The following IDH2 variants were observed in gnomAD, a reference collection of about 807,000 sequenced individuals.
The protein encoded by IDH2 is isocitrate dehydrogenase (NADP(+)) 2.
A neutral mutation model predicts 50.5 loss-of-function variants in IDH2; 18 were observed. The observed-to-expected ratio is 0.36, with a 90% CI of 0.25 to 0.53. The LOEUF (loss-of-function observed/expected upper bound fraction) is 0.53. Ranked by LOEUF, IDH2 falls within the 20% of genes least tolerant of loss-of-function variation. The pLI, the probability that IDH2 is intolerant of heterozygous loss-of-function variation, is 0.92. For missense variants in IDH2, 518 were observed against 610.7 expected (o/e 0.85, Z 1.60); for synonymous variants, 280 against 239.8 (o/e 1.17, Z -1.55).
chr15:90,100,777 G>C lies in IDH2; in HGVS notation c.115+1499C>G, dbSNP rs1901309210. The C allele has an allele frequency of 2.9e-6, 1 of 343,626 alleles. No homozygotes were observed. The highest frequency in any genetic ancestry group is 2.2e-5 in the African/African-American group (1 of 44,984). The allele number at this position is 343,626 out of a possible 1,614,324, so 21.3% of individuals were successfully genotyped here. A position where few individuals can be genotyped will look rare whatever the true frequency, so the allele number is the denominator to read the frequency against. ...TGGCAGAGTCGCAACTGTAGAGTCTGATGTCCAACTCCAACACCAAGCAAT... is the reference window on the plus strand; with the variant it reads ...TGGCAGAGTCGCAACTGTAGAGTCTCATGTCCAACTCCAACACCAAGCAAT... On this transcript the variant is annotated intron_variant, in intron 1 of 10. Coordinates refer to ENST00000330062, the MANE Select transcript of IDH2 (RefSeq NM_002168.4). The surrounding 1 kb of genome is among the most constrained non-coding windows in gnomAD (Gnocchi z 4.1).
rs986843506 is a variant in IDH2, at chr15:90,083,777, G to A, written c.*489C>T. The A allele has an allele frequency of 2.3e-5, 5 of 220,018 alleles. No individual in the cohort carries two copies. The highest frequency in any genetic ancestry group is 3.7e-5 in the Non-Finnish European group (4 of 107,664). The allele number at this position is 220,018 out of a possible 1,614,324, so 13.6% of individuals were successfully genotyped here. ...GCTAGAAAATTCCAGGGAACCCACAGGCCTGTGCCCTGAGTGTCCGAGAAC... is the reference window on the plus strand; with the variant it reads ...GCTAGAAAATTCCAGGGAACCCACAAGCCTGTGCCCTGAGTGTCCGAGAAC... On this transcript the variant is annotated 3_prime_UTR_variant, in exon 11 of 11. Coordinates refer to ENST00000330062, the MANE Select transcript of IDH2 (RefSeq NM_002168.4).
chr15:90,102,312 TCA>T lies in IDH2; in HGVS notation c.77_78del (p.Leu26HisfsTer30). Reference sequence around the variant, plus strand: ...GGCTGCTCTTGCGAGGTGGGGGCTGTCAGGGCCGCCGGCGCCCAGGCCGGCCG... The same window carrying T: ...GGCTGCTCTTGCGAGGTGGGGGCTGTGGGCCGCCGGCGCCCAGGCCGGCCG... The part of the protein sequence containing the change: ...GSRPAWAPAA[L>X]TAPTSQEQPR... On this transcript the variant is annotated frameshift_variant, in exon 1 of 11. Transcript: ENST00000330062. LOFTEE classifies it high-confidence loss of function. 1 of 1,356,172 alleles carries T rather than the reference TCA, an allele frequency of 7.4e-7. No homozygotes were observed. Among genetic ancestry groups the T allele is most frequent in the East Asian group, 3.2e-5 (1 of 30,940 alleles). The allele number at this position is 1,356,172 out of a possible 1,614,324, so 84.0% of individuals were successfully genotyped here.
Position 90,090,534 on chromosome 15 carries a change from C to T in IDH2, c.318G>A (p.Lys106=), listed in dbSNP as rs1198629407. Residue 106 remains lysine, a synonymous_variant, in exon 3 of 11, where the codon AAG becomes AAA. Transcript: ENST00000330062. Reference sequence around the variant, plus strand: ...TGGCACACTTGACAGCCACACTGTACTTCTGGGTGGCCAGTGCAGAGTCAA... The same window carrying T: ...TGGCACACTTGACAGCCACACTGTATTTCTGGGTGGCCAGTGCAGAGTCAA... ...VTIDSALATQ[K]YSVAVKCATI... 6.2e-7 allele frequency: 1 copy of T among 1,614,172 alleles called. No individual in the cohort carries two copies.
intron 1 of IDH2, among the ~76,000 whole-genome samples, chr15:90,099,200 T>G (rs1199805211): frequency 6.6e-6 from 1 of 151,848 alleles, no homozygotes; most frequent in African/African-American, 2.4e-5. Context: ...AAGCGAAAGC[T>G]CTCAAAAATG....
chr15:90,085,714 T>A lies in IDH2; in HGVS notation c.968-327A>T, dbSNP rs1171664807. 1.1e-4 allele frequency among the ~76,000 whole-genome samples: 16 copies of A among 152,228 alleles called. No individual in the cohort carries two copies. Among genetic ancestry groups the A allele is most frequent in the Admixed American group, 1.0e-3 (16 of 15,284 alleles). ...CAGAGTCCTGTGGTCCCCCACAGCC[T>A]GCCACCCAGCCTGGCTCGTGACCCG... On this transcript the variant is annotated intron_variant, in intron 7 of 10. Transcript: ENST00000330062. The surrounding 1 kb of genome is among the most constrained non-coding windows in gnomAD (Gnocchi z 5.5).
At position 90,098,515 on chromosome 15, in the gene IDH2, T is replaced by TATGTATGTATGTATGC. The variant is rs1317813521; in HGVS notation, c.115+3760_115+3761insGCATACATACATACAT. Among the ~76,000 whole-genome samples the TATGTATGTATGTATGC allele has an allele frequency of 1.6e-4, 24 of 150,510 alleles. No homozygotes were observed. In the East Asian group the frequency reaches 3.5e-3, roughly 22 times the overall value. On this transcript the variant is annotated intron_variant, in intron 1 of 10. Transcript: ENST00000330062. This position sits in a 1 kb window ranked among gnomAD's most constrained non-coding sequence, Gnocchi z 5.1. ...ACTTTGTATATTTTATGTATGTATG[T>TATGTATGTATGTATGC]ATGTATGTATGCATGCATGTATGTA... is the stretch of plus-strand genomic sequence containing the variant.
At chr15:90,089,981 C>T (rs952516231) in intron 3 of IDH2, among the ~76,000 whole-genome samples, 6 of 148,962 alleles carry the variant, frequency 4.0e-5, no homozygotes, top group Admixed American at 2.7e-4. Flanking sequence ...ACACACAGCA[C>T]TCCTCTGCAC....
At chr15:90,099,473 G>T (rs188148798) in intron 1 of IDH2, among the ~76,000 whole-genome samples, 6 of 151,996 alleles carry the variant, frequency 3.9e-5, no homozygotes, top group African/African-American at 1.2e-4. Context: ...TCTCTTTTTG[G>T]GGGGAGAAGG....
At chr15:90,094,093 C>A (rs1262200954) in intron 1 of IDH2, among the ~76,000 whole-genome samples, 1 of 152,154 alleles carries the variant, frequency 6.6e-6, no homozygotes, top group Admixed American at 6.5e-5. Context: ...CCAGCCGACG[C>A]AGGTGGGTCA....
At chr15:90,093,510 A>G (rs907970648) in intron 1 of IDH2, among the ~76,000 whole-genome samples, 16 of 152,202 alleles carry the variant, frequency 1.1e-4, no homozygotes, top group Non-Finnish European at 1.5e-4. Context: ...AGTGCCTACT[A>G]TGTGCCTTAC....
At chr15:90,097,419 GAAATGCA>G (rs1216250282) in intron 1 of IDH2, among the ~76,000 whole-genome samples, 4 of 152,150 alleles carry the variant, frequency 2.6e-5, no homozygotes. Flanking sequence ...TGGGGATCTT[GAAATGCA>G]TCCTCCAAGG....
Position 90,085,330 on chromosome 15 carries a change from A to C in IDH2, c.1025T>G (p.Ile342Ser), listed in dbSNP as rs927842567. The change falls in exon 8 of 11, where the codon ATT becomes AGT. Residue 342 changes from isoleucine (I) to serine (S), a missense_variant. Ile to Ser is a moderately radical substitution (Grantham distance 142, BLOSUM62 -2). Coordinates refer to ENST00000330062, the MANE Select transcript of IDH2 (RefSeq NM_002168.4). This position sits in a 1 kb window ranked among gnomAD's most constrained non-coding sequence, Gnocchi z 5.5. ...SVLVCPDGKTIEAEAAHGTVT... is the reference protein window; with the variant it reads ...SVLVCPDGKTSEAEAAHGTVT... ...GGTCCCATGAGCGGCCTCAGCCTCA[A>C]TCGTCTTCCCATCAGGGCAGACCAG... The C allele has an allele frequency of 3.9e-6, 6 of 1,553,634 alleles. No individual in the cohort carries two copies. The Admixed American group carries it at 9.8e-5, about 25-fold the overall frequency.
rs191547948 is a variant in IDH2 at position 90,084,341 on chromosome 15, G to T, written c.1284C>A (p.Asn428Lys). 1 of 1,613,886 alleles carries T rather than the reference G, an allele frequency of 6.2e-7. No homozygotes were observed. Among genetic ancestry groups the T allele is most frequent in the African/African-American group, 1.3e-5 (1 of 75,022 alleles). The stretch of plus-strand genomic sequence containing the variant: ...AGTCCGTGGTGTTCAGGAAGTGCTC[G>T]TTCAGCTTCACACTGCAGAGAGAGC... ...CIHGLSNVKL[N>K]EHFLNTTDFL... The change falls in exon 11 of 11, where the codon AAC (asparagine) becomes AAA (lysine). Residue 428 changes from asparagine (N) to lysine (K), a missense_variant. By Grantham distance (94) the Asn-to-Lys change is moderately conservative. Coordinates refer to ENST00000330062, the MANE Select transcript of IDH2 (RefSeq NM_002168.4). The surrounding 1 kb of genome is among the most constrained non-coding windows in gnomAD (Gnocchi z 5.0).
In IDH2 at chr15:90,084,322, T is replaced by G; in HGVS notation, c.1303A>C (p.Thr435Pro). 6.2e-7 allele frequency: 1 copy of G among 1,614,010 alleles called. No homozygotes were observed. The highest frequency in any genetic ancestry group is 8.5e-7 in the Non-Finnish European group (1 of 1,179,982). The change falls in exon 11 of 11, where the codon ACG becomes CCG. Residue 435 changes from threonine (T) to proline (P), a missense_variant. Physicochemically the swap from Thr to Pro is conservative, Grantham distance 38 (BLOSUM62 -1). This residue lies in a region of IDH2 where 135 missense variants were observed against 167.6 expected (regional missense o/e 0.81). Coordinates refer to ENST00000330062, the MANE Select transcript of IDH2 (RefSeq NM_002168.4). This position sits in a 1 kb window ranked among gnomAD's most constrained non-coding sequence, Gnocchi z 5.0. ...CTCTTGATGGTGTCGAGGAAGTCCG[T>G]GGTGTTCAGGAAGTGCTCGTTCAGC... ...VKLNEHFLNTTDFLDTIKSNL... is the reference protein window; with the variant it reads ...VKLNEHFLNTPDFLDTIKSNL...
chr15:90,091,346 TG>T (rs1901029894), intron 2 of IDH2, among the ~76,000 whole-genome samples: 1 of 152,238 alleles, frequency 6.6e-6, no homozygotes, highest in Non-Finnish European at 1.5e-5. Context: ...CACGGACTGC[TG>T]GGGACAGGCC....
chr15:90,089,739 C>T lies in IDH2; in HGVS notation c.373+740G>A, dbSNP rs1040943206. ...AGAAAACTCCTCAACCATCCTTTCT[C>T]GAATTATCCAAACCTGGCCCCTCTG... On this transcript the variant is annotated intron_variant, in intron 3 of 10. Coordinates refer to ENST00000330062, the MANE Select transcript of IDH2 (RefSeq NM_002168.4). 3.9e-5 allele frequency among the ~76,000 whole-genome samples: 6 copies of T among 152,222 alleles called. No homozygotes were observed. In the South Asian group the frequency reaches 8.3e-4, roughly 21 times the overall value.
At chr15:90,094,888 C>T (rs1461760623) in intron 1 of IDH2, among the ~76,000 whole-genome samples, 7 of 139,590 alleles carry the variant, frequency 5.0e-5, no homozygotes, top group African/African-American at 1.9e-4. Context: ...GGCAACAGAA[C>T]GAGACTCCAT....
At chr15:90,087,685 C>T (rs1900900692) in intron 5 of IDH2, 110 bp from the exon 6 acceptor site, 4 of 1,261,532 alleles carry the variant, frequency 3.2e-6, no homozygotes, top group African/African-American at 1.5e-5. Flanking sequence ...ACCCCGCCGC[C>T]CACGCGACTG....
In IDH2 at chr15:90,084,118, T is replaced by C. The variant is rs1900791037; in HGVS notation, c.*148A>G. The C allele has an allele frequency of 1.5e-6, 1 of 663,980 alleles. No individual in the cohort carries two copies. The highest frequency in any genetic ancestry group is 1.7e-5 in the South Asian group (1 of 58,714). 41.1% of individuals were successfully genotyped at this position (663,980 alleles called of 1,614,324 possible). ...ACGTCACCATGAGGGGAAACACACATATGCTTTTAAAAACATCTGGCTTAT... is the reference window on the plus strand; with the variant it reads ...ACGTCACCATGAGGGGAAACACACACATGCTTTTAAAAACATCTGGCTTAT... On this transcript the variant is annotated 3_prime_UTR_variant, in exon 11 of 11. Coordinates refer to ENST00000330062, the MANE Select transcript of IDH2 (RefSeq NM_002168.4). This position sits in a 1 kb window ranked among gnomAD's most constrained non-coding sequence, Gnocchi z 5.0.
Sources: gnomAD v4.1 joint callset for allele counts (sites outside exome capture counted in the v4.1 genomes callset) on GRCh38, gnomAD v4.1.1 for gene constraint, gnomAD v4.1.1 regional missense constraint, Gnocchi (gnomAD v3.1) non-coding constraint, MANE v1.5 for transcripts, NCBI Gene and HGNC (gene_info 2026-07-23, HGNC 2026-07-21) for gene names.